The following IQCM variants were observed in gnomAD, a reference collection of about 807,000 sequenced individuals.
IQCM encodes IQ domain-containing protein M.
In IQCM, 45 loss-of-function variants were observed where a neutral mutation model predicts 57.6. The ratio of observed to expected loss-of-function variants is 0.78; its 90% CI spans 0.62 to 1.00. The LOEUF (loss-of-function observed/expected upper bound fraction) is 1.00, where lower values mean the gene tolerates loss of function less well. IQCM is among the 50% of genes least tolerant of loss of function. The pLI, the probability that IQCM is intolerant of heterozygous loss-of-function variation, is 0.00. For synonymous variants in IQCM, 148 were observed against 158.9 expected (o/e 0.93, Z 0.51); for missense variants, 468 against 511.6 (o/e 0.91, Z 0.82).
In IQCM at chr4:149,622,826, C is replaced by T. The variant is rs193097530; in HGVS notation, c.566-1582G>A. Among the ~76,000 whole-genome samples the T allele has an allele frequency of 4.0e-3, 605 of 152,296 alleles. 2 individuals are homozygous for T. The highest frequency in any genetic ancestry group is 5.9e-3 in the Non-Finnish European group (404 of 68,030). On this transcript the variant is annotated intron_variant, in intron 7 of 13. Coordinates refer to ENST00000636793, the MANE Select transcript of IQCM (RefSeq NM_001363507.2). ...ATGGGCATTATTCCTGACCTACCCA[C>T]TCCCCTTAATGCACCATTACGTACA...
At chr4:149,728,813 C>T (rs1766196380) in intron 5 of IQCM, among the ~76,000 whole-genome samples, 1 of 152,158 alleles carries the variant, frequency 6.6e-6, no homozygotes, top group Non-Finnish European at 1.5e-5. Context: ...TTACAGAACA[C>T]ACCTTTCCTC....
intron 13 of IQCM, among the ~76,000 whole-genome samples, chr4:149,425,241 G>T (rs1417176465): frequency 6.6e-6 from 1 of 151,724 alleles, no homozygotes; most frequent in Non-Finnish European, 1.5e-5. Flanking sequence ...TATCCATCAG[G>T]GATTTCCAGA....
At chr4:149,707,716 ATAAG>A (rs952836066) in intron 5 of IQCM, among the ~76,000 whole-genome samples, 8 of 151,948 alleles carry the variant, frequency 5.3e-5, no homozygotes, top group African/African-American at 1.7e-4. Context: ...ATGTTGTACT[ATAAG>A]TAATAATGTT....
At chr4:149,587,216 T>C (rs991514069) in intron 9 of IQCM, among the ~76,000 whole-genome samples, 3 of 151,828 alleles carry the variant, frequency 2.0e-5, no homozygotes, top group South Asian at 4.1e-4. Flanking sequence ...ATCTTACCCA[T>C]TGCAGTTCCT....
intron 2 of IQCM, among the ~76,000 whole-genome samples, chr4:149,762,740 C>G (rs905970430): frequency 8.6e-5 from 13 of 151,842 alleles, no homozygotes; most frequent in Admixed American, 7.9e-4. Flanking sequence ...TTATTAAAAG[C>G]CTATTCAATT....
chr4:149,366,276 A>G (rs1729828857), intron 13 of IQCM, among the ~76,000 whole-genome samples: 1 of 152,052 alleles, frequency 6.6e-6, no homozygotes, highest in African/African-American at 2.4e-5. Context: ...CTGGCTTGTG[A>G]AAACCTAGGG....
chr4:149,803,145 T>G (rs1004385896), intron 2 of IQCM, among the ~76,000 whole-genome samples: 4 of 151,926 alleles, frequency 2.6e-5, no homozygotes, highest in Non-Finnish European at 5.9e-5. Context: ...CATATACTCT[T>G]GAATATTTGG....
chr4:149,607,271 G>A (rs146784417), intron 8 of IQCM, among the ~76,000 whole-genome samples: 31 of 152,180 alleles, frequency 2.0e-4, no homozygotes, highest in African/African-American at 6.3e-4. Context: ...TGAAGGAAAA[G>A]CACAACTAGA....
At chr4:149,588,816 AACAC>A (rs1047211639) in intron 8 of IQCM, among the ~76,000 whole-genome samples, 2 of 151,856 alleles carry the variant, frequency 1.3e-5, no homozygotes, top group African/African-American at 4.8e-5. Flanking sequence ...AACACACTAA[AACAC>A]ACAGTAACAA....
chr4:149,466,545 A>T (rs1738877819), intron 12 of IQCM, among the ~76,000 whole-genome samples: 1 of 152,174 alleles, frequency 6.6e-6, no homozygotes, highest in Non-Finnish European at 1.5e-5. Flanking sequence ...GGCAATGCTT[A>T]TTTTCAAGAG....
chr4:149,571,324 A>G (rs1370801695), intron 9 of IQCM, among the ~76,000 whole-genome samples: 1 of 152,140 alleles, frequency 6.6e-6, no homozygotes, highest in African/African-American at 2.4e-5. Context: ...AAAGGAAGGA[A>G]ATTCTGTAAT....
At chr4:149,353,462 C>A (rs546102577) in intron 13 of IQCM, among the ~76,000 whole-genome samples, 1 of 152,098 alleles carries the variant, frequency 6.6e-6, no homozygotes, top group Non-Finnish European at 1.5e-5. Context: ...AAATCACCAC[C>A]TTGTAAAGAT....
intron 8 of IQCM, among the ~76,000 whole-genome samples, chr4:149,591,286 G>T (rs1330773501): frequency 6.6e-6 from 1 of 151,638 alleles, no homozygotes; most frequent in East Asian, 1.9e-4. Context: ...TTCCTTCATG[G>T]TCTAATGATT....
chr4:149,462,305 G>A (rs1738387565), intron 12 of IQCM, among the ~76,000 whole-genome samples: 1 of 152,060 alleles, frequency 6.6e-6, no homozygotes, highest in African/African-American at 2.4e-5. Context: ...GGCTTTTTTG[G>A]GGATAGACCA....
intron 7 of IQCM, among the ~76,000 whole-genome samples, chr4:149,659,722 C>A (rs1291944879): frequency 6.6e-6 from 1 of 152,032 alleles, no homozygotes; most frequent in Non-Finnish European, 1.5e-5. Context: ...GAAAAATAAG[C>A]AATGGGGAAA....
chr4:149,763,404 A>G (rs1325913974), intron 2 of IQCM, among the ~76,000 whole-genome samples: 1 of 152,080 alleles, frequency 6.6e-6, no homozygotes, highest in Non-Finnish European at 1.5e-5. Flanking sequence ...CATGCAAAAG[A>G]TGGGACTTTA....
At chr4:149,445,842 A>AT (rs959200035) in intron 12 of IQCM, among the ~76,000 whole-genome samples, 19 of 151,714 alleles carry the variant, frequency 1.3e-4, no homozygotes, top group African/African-American at 4.6e-4. Context: ...AAGGAATATC[A>AT]TTTTTTCCCT....
chr4:149,776,514 C>G (rs1039105533), intron 2 of IQCM, among the ~76,000 whole-genome samples: 2 of 152,090 alleles, frequency 1.3e-5, no homozygotes, highest in African/African-American at 4.8e-5. Context: ...ATTCTATAAT[C>G]ACAACTTGAA....
chr4:149,472,095 A>G (rs879583003), intron 12 of IQCM, among the ~76,000 whole-genome samples: 2 of 152,204 alleles, frequency 1.3e-5, no homozygotes, highest in Non-Finnish European at 2.9e-5. Flanking sequence ...ACTCCTATTT[A>G]ACATAGTGTT....
Sources: gnomAD v4.1 joint callset for allele counts (sites outside exome capture counted in the v4.1 genomes callset) on GRCh38, gnomAD v4.1.1 for gene constraint, MANE v1.5 for transcripts, NCBI Gene and HGNC (gene_info 2026-07-23, HGNC 2026-07-21) for gene names.